The following TMX4 variants were observed in gnomAD, a reference collection of about 807,000 sequenced individuals.
TMX4 encodes thioredoxin related transmembrane protein 4.
TMX4 carries 23 observed loss-of-function variants against 33.3 expected under a neutral mutation model. The observed-to-expected ratio is 0.69, with a 90% CI of 0.50 to 0.98. The LOEUF (loss-of-function observed/expected upper bound fraction) is 0.98. Among genes scored for constraint, TMX4 ranks in the 50% least tolerant of loss-of-function variants. TMX4 has a pLI of 0.00. For missense variants in TMX4, 399 were observed against 448.9 expected (o/e 0.89, Z 1.01); for synonymous variants, 164 against 161.5 (o/e 1.02, Z -0.12).
intron 5 of TMX4, among the ~76,000 whole-genome samples, chr20:7,991,310 A>G (rs1802729130): frequency 6.6e-6 from 1 of 152,228 alleles, no homozygotes. Context: ...AGATTCAACA[A>G]ATCCAATAAA....
At position 8,019,665 on chromosome 20, in the gene TMX4, C is replaced by A; in HGVS notation, c.-52G>T. ...CGGGGAGTGTGGGGAAGGGCAGCGG[C>A]CGGCCCGCAGCCTCGCTCGCCCGCC... is the stretch of plus-strand genomic sequence containing the variant. On this transcript the variant is annotated 5_prime_UTR_variant, in exon 1 of 8. Coordinates refer to ENST00000246024, the MANE Select transcript of TMX4 (RefSeq NM_021156.4). 7.8e-7 allele frequency: 1 copy of A among 1,278,442 alleles called. No homozygotes were observed. Among genetic ancestry groups the A allele is most frequent in the Non-Finnish European group, 9.9e-7 (1 of 1,009,818 alleles). 79.2% of individuals were successfully genotyped at this position (1,278,442 alleles called of 1,614,324 possible). A position where few individuals can be genotyped will look rare whatever the true frequency, so the allele number is the denominator to read the frequency against.
chr20:8,017,858 G>A (rs771941890), intron 1 of TMX4, among the ~76,000 whole-genome samples: 4 of 152,080 alleles, frequency 2.6e-5, no homozygotes, highest in Non-Finnish European at 5.9e-5. Flanking sequence ...TCCAAAAATA[G>A]TTAAGTGGAA....
intron 6 of TMX4, among the ~76,000 whole-genome samples, chr20:7,985,277 A>ATATAT (rs1436534553): frequency 0.017 from 1,866 of 110,374 alleles, 23 homozygotes; most frequent in Non-Finnish European, 0.026. Flanking sequence ...ATATATATAT[A>ATATAT]TTTTTTTTTT....
At chr20:7,999,462 T>C (rs556023570) in intron 4 of TMX4, among the ~76,000 whole-genome samples, 2 of 152,066 alleles carry the variant, frequency 1.3e-5, no homozygotes, top group African/African-American at 4.8e-5. Flanking sequence ...AAGAGAAAAA[T>C]AGTCATTGTG....
intron 5 of TMX4, among the ~76,000 whole-genome samples, chr20:7,994,073 T>C (rs2050666189): frequency 6.6e-6 from 1 of 152,122 alleles, no homozygotes; most frequent in African/African-American, 2.4e-5. Flanking sequence ...GATAAAACTA[T>C]TTTACAATTA....
intron 1 of TMX4, among the ~76,000 whole-genome samples, chr20:8,015,236 C>T (rs1001177407): frequency 3.3e-5 from 5 of 152,126 alleles, no homozygotes; most frequent in African/African-American, 7.2e-5. Flanking sequence ...ATCAAACATT[C>T]GCATGTTTTT....
rs547377871 is a variant in TMX4, at chr20:8,008,876, G to C, written c.292+1324C>G. On this transcript the variant is annotated intron_variant, in intron 2 of 7. Coordinates refer to ENST00000246024, the MANE Select transcript of TMX4 (RefSeq NM_021156.4). ...CTAGATGGAGGACAATGCTTACAAAGATAGAGGAATGAGGATTCATGGCTT... is the reference window on the plus strand; with the variant it reads ...CTAGATGGAGGACAATGCTTACAAACATAGAGGAATGAGGATTCATGGCTT... Among the ~76,000 whole-genome samples the C allele has an allele frequency of 2.0e-5, 3 of 152,272 alleles. No individual in the cohort carries two copies. The South Asian group carries it at 6.2e-4, about 32-fold the overall frequency.
intron 6 of TMX4, 30 bp from the exon 7 acceptor site, chr20:7,983,887 A>T: frequency 6.4e-7 from 1 of 1,573,256 alleles, no homozygotes; most frequent in African/African-American, 1.4e-5. Flanking sequence ...TTTACAGTGA[A>T]TAGATAGGAC....
chr20:8,005,752 A>C (rs1197760488), intron 2 of TMX4, among the ~76,000 whole-genome samples: 1 of 152,162 alleles, frequency 6.6e-6, no homozygotes, highest in Non-Finnish European at 1.5e-5. Context: ...ACACACCAGC[A>C]GACACTGGCA....
rs748092194 is a variant in TMX4 at position 7,987,294 on chromosome 20, C to T, written c.609G>A (p.Met203Ile). The change falls in exon 6 of 8, where the codon ATG (methionine) becomes ATA (isoleucine). Residue 203 changes from methionine to isoleucine, a missense_variant. Met to Ile is a conservative substitution (Grantham distance 10). Transcript: ENST00000246024. ...VIATLVFGLF[M>I]GLVLVVISEC... ...GTTTGGTATTATCTCTTACCAGACC[C>T]ATAAAAAGGCCAAAAACCAAGGTGG... The T allele has an allele frequency of 6.3e-7, 1 of 1,582,940 alleles. No homozygotes were observed. Among genetic ancestry groups the T allele is most frequent in the Non-Finnish European group, 8.6e-7 (1 of 1,169,070 alleles).
chr20:8,017,211 T>G (rs2050779451), intron 1 of TMX4, among the ~76,000 whole-genome samples: 3 of 152,210 alleles, frequency 2.0e-5, no homozygotes, highest in Admixed American at 6.5e-5. Flanking sequence ...TGGGTTTTAG[T>G]GCGTATAAAG....
intron 1 of TMX4, among the ~76,000 whole-genome samples, chr20:8,015,116 TG>T (rs1330141229): frequency 2.0e-5 from 3 of 152,112 alleles, no homozygotes; most frequent in African/African-American, 7.2e-5. Context: ...ATGTAAGCCA[TG>T]TAACTATGAA....
intron 1 of TMX4, among the ~76,000 whole-genome samples, chr20:8,015,114 C>T (rs1050950671): frequency 6.6e-6 from 1 of 151,930 alleles, no homozygotes; most frequent in Non-Finnish European, 1.5e-5. Context: ...TGATGTAAGC[C>T]ATGTAACTAT....
chr20:7,991,557 CATTTTGG>C (rs1173548509), intron 5 of TMX4, among the ~76,000 whole-genome samples: 1 of 152,110 alleles, frequency 6.6e-6, no homozygotes, highest in Admixed American at 6.5e-5. Flanking sequence ...GATTATGGAG[CATTTTGG>C]ATTTTGGATT....
intron 6 of TMX4, 55 bp downstream of exon 6, chr20:7,987,233 G>A: frequency 8.3e-7 from 1 of 1,205,046 alleles, no homozygotes; most frequent in Non-Finnish European, 1.2e-6. Context: ...CCTTTTATTT[G>A]TACATGAAAT....
At chr20:8,006,352 T>G (rs1466510172) in intron 2 of TMX4, among the ~76,000 whole-genome samples, 1 of 152,210 alleles carries the variant, frequency 6.6e-6, no homozygotes, top group Non-Finnish European at 1.5e-5. Context: ...AGAGTATGCA[T>G]GACACTTCAA....
At chr20:8,001,961 G>C (rs1436741034) in intron 2 of TMX4, among the ~76,000 whole-genome samples, 3 of 152,044 alleles carry the variant, frequency 2.0e-5, no homozygotes, top group African/African-American at 7.3e-5. Flanking sequence ...TTAGCATGGT[G>C]CTGGGTACAT....
At chr20:7,994,256 A>C (rs1489604344) in intron 5 of TMX4, among the ~76,000 whole-genome samples, 1 of 152,156 alleles carries the variant, frequency 6.6e-6, no homozygotes, top group East Asian at 1.9e-4. Flanking sequence ...CTTCTCAATC[A>C]TTAAGAAAAA....
At chr20:8,000,271 G>C (rs6055451) in intron 3 of TMX4, among the ~76,000 whole-genome samples, 41,458 of 151,840 alleles carry the variant, frequency 0.27, 9,714 homozygotes, top group African/African-American at 0.61. Flanking sequence ...AACAAAAAAC[G>C]TCATACCCCC....
Sources: allele counts gnomAD v4.1 joint callset (sites outside exome capture counted in the v4.1 genomes callset), GRCh38; gene constraint gnomAD v4.1.1; transcripts MANE v1.5; gene names NCBI Gene and HGNC (gene_info 2026-07-23, HGNC 2026-07-21).